USH1C: variants seen among roughly 807,000 people sequenced by gnomAD.
USH1C encodes USH1 protein network component harmonin, also known as harmonin.
In USH1C, 90 loss-of-function variants were observed where a neutral mutation model predicts 119.3. That is an observed-to-expected ratio of 0.75 (90% CI 0.64 to 0.90). The LOEUF (loss-of-function observed/expected upper bound fraction) is 0.90. Among genes scored for constraint, USH1C ranks in the 40% least tolerant of loss-of-function variants. The probability of loss-of-function intolerance (pLI) is 0.00; values close to 1 mark genes in which losing one functional copy is unlikely to be tolerated. For missense variants in USH1C, 1,165 were observed against 1,167.7 expected, an observed-to-expected ratio of 1.00 and a Z score of 0.03; for synonymous variants, 465 against 443.3, an observed-to-expected ratio of 1.05 and a Z score of -0.62.
Position 17,524,386 on chromosome 11 carries a change from C to T in USH1C, c.759+65G>A, listed in dbSNP as rs537772680. 243 of 1,518,898 alleles carry T rather than the reference C, an allele frequency of 1.6e-4. 3 individuals are homozygous for T. In the South Asian group the frequency reaches 1.9e-3, roughly 12 times the overall value. The allele number at this position is 1,518,898 out of a possible 1,614,324, so 94.1% of individuals were successfully genotyped here. The stretch of plus-strand genomic sequence containing the variant: ...GTGGAAAGGCACCTGCCCCTGTCAC[C>T]GCGGGATCACAGTCTGACCCAATTT... On this transcript the variant is annotated intron_variant, in intron 9 of 26. Coordinates refer to ENST00000005226, the MANE Select transcript of USH1C (RefSeq NM_153676.4).
At chr11:17,526,556 T>G in intron 7 of USH1C, 115 bp from the exon 8 acceptor site, 1 of 1,144,000 alleles carries the variant, frequency 8.7e-7, no homozygotes, top group Non-Finnish European at 1.3e-6. Context: ...CAGATCATCA[T>G]TCCGTCCCTG....
chr11:17,518,379 G>A (rs903269571), intron 14 of USH1C, among the ~76,000 whole-genome samples: 1 of 152,250 alleles, frequency 6.6e-6, no homozygotes, highest in African/African-American at 2.4e-5. Context: ...GCCTTGGATA[G>A]GGAGAGAAGG....
chr11:17,533,179 A>C (rs1851063171), intron 2 of USH1C, 76 bp downstream of exon 2: 1 of 1,145,190 alleles, frequency 8.7e-7, no homozygotes. Context: ...CCTCTGTCTC[A>C]GAACAACCCA....
chr11:17,537,251 C>A (rs2133944926), intron 1 of USH1C, among the ~76,000 whole-genome samples: 1 of 152,356 alleles, frequency 6.6e-6, no homozygotes, highest in African/African-American at 2.4e-5. Flanking sequence ...CTGCCTAGCA[C>A]TAGCCCGAGG....
At chr11:17,502,508 A>G (rs1008659709) in intron 20 of USH1C, among the ~76,000 whole-genome samples, 1 of 152,214 alleles carries the variant, frequency 6.6e-6, no homozygotes, top group Admixed American at 6.5e-5. Flanking sequence ...AACAAGAAGA[A>G]AGCAGGTGGT....
chr11:17,521,311 T>C (rs1477865654), intron 13 of USH1C, 35 bp downstream of exon 13: 1 of 1,610,082 alleles, frequency 6.2e-7, no homozygotes, highest in Non-Finnish European at 8.5e-7. Flanking sequence ...ACACTGATGT[T>C]CATGCACAGA....
chr11:17,525,087 A>G (rs1850603210), intron 8 of USH1C, among the ~76,000 whole-genome samples: 1 of 152,214 alleles, frequency 6.6e-6, no homozygotes, highest in Admixed American at 6.5e-5. Flanking sequence ...AGGATGGTAC[A>G]TGTACTGTTA....
At chr11:17,500,108 G>A (rs1849380680) in intron 23 of USH1C, among the ~76,000 whole-genome samples, 1 of 152,258 alleles carries the variant, frequency 6.6e-6, no homozygotes, top group South Asian at 2.1e-4. Context: ...TGAAGCAAGA[G>A]ACTGTGCCTG....
At position 17,516,212 on chromosome 11, in the gene USH1C, C is replaced by T. The variant is rs763131934; in HGVS notation, c.1260+29G>A. The T allele has an allele frequency of 1.4e-5, 22 of 1,613,204 alleles. No individual in the cohort carries two copies. The African/African-American group carries it at 1.6e-4, about 12-fold the overall frequency. ...AAAACCCACAGCAAACTAAGCAGCA[C>T]ACCAGCACAGCACCCAACCCTGTCC... On this transcript the variant is annotated intron_variant, in intron 15 of 26. Coordinates refer to ENST00000005226, the MANE Select transcript of USH1C (RefSeq NM_153676.4).
Position 17,525,648 on chromosome 11 carries a change from C to G in USH1C, c.674+699G>C, listed in dbSNP as rs967918690. ...TAACGGTGGCACCTGCATGCTTAAGCCCCGTGTGGCCCAGTGTCTGTTCGG... is the reference window on the plus strand; with the variant it reads ...TAACGGTGGCACCTGCATGCTTAAGGCCCGTGTGGCCCAGTGTCTGTTCGG... On this transcript the variant is annotated intron_variant, in intron 8 of 26. Transcript: ENST00000005226. Among the ~76,000 whole-genome samples, 6 of 152,276 alleles carry G rather than the reference C, an allele frequency of 3.9e-5. No homozygotes were observed. The East Asian group carries it at 1.2e-3, about 29-fold the overall frequency.
chr11:17,501,079 C>T lies in USH1C; in HGVS notation c.2352G>A (p.Val784=), dbSNP rs1381782656. 1.2e-6 allele frequency: 2 copies of T among 1,614,074 alleles called. No individual in the cohort carries two copies. The highest frequency in any genetic ancestry group is 2.2e-5 in the East Asian group (1 of 44,874). Residue 784 remains valine, a synonymous_variant, in exon 23 of 27, where the codon GTG becomes GTA. Coordinates refer to ENST00000005226, the MANE Select transcript of USH1C (RefSeq NM_153676.4). The part of the protein sequence containing the change: ...SPIGKVVVSA[V]YERGAAERHG... ...GCCGCTCAGCAGCTCCCCGCTCATA[C>T]ACAGCAGAAACGACCACCTTCCCAA... is the stretch of plus-strand genomic sequence containing the variant.
intron 18 of USH1C, among the ~76,000 whole-genome samples, chr11:17,507,810 C>T (rs1404994216): frequency 6.6e-6 from 1 of 152,094 alleles, no homozygotes. Flanking sequence ...CTTGCAATGC[C>T]CTTGCTCCCA....
At chr11:17,508,900 T>TA (rs1849749673) in intron 18 of USH1C, among the ~76,000 whole-genome samples, 1 of 152,148 alleles carries the variant, frequency 6.6e-6, no homozygotes. Flanking sequence ...CAGAGCCAAA[T>TA]ACGCCCCTGC....
Position 17,501,993 on chromosome 11 carries a change from G to A in USH1C, c.2185-13C>T. On this transcript the variant is annotated splice_polypyrimidine_tract_variant and intron_variant, in intron 20 of 26. Transcript: ENST00000005226. ...ATTTCCGGAAATCCTGGAAGCAAAGGGAGGGCTTTAGGGCAACACAGCAGA... is the reference window on the plus strand; with the variant it reads ...ATTTCCGGAAATCCTGGAAGCAAAGAGAGGGCTTTAGGGCAACACAGCAGA... The A allele has an allele frequency of 6.2e-7, 1 of 1,613,500 alleles. No homozygotes were observed. Among genetic ancestry groups the A allele is most frequent in the Non-Finnish European group, 8.5e-7 (1 of 1,179,704 alleles).
At chr11:17,502,017 G>A (rs1395387138) in intron 20 of USH1C, 37 bp from the exon 21 acceptor site, 1 of 1,605,222 alleles carries the variant, frequency 6.2e-7, no homozygotes, top group Admixed American at 1.7e-5. Flanking sequence ...CAACACAGCA[G>A]AGGGTCTTGA....
intron 9 of USH1C, 127 bp from the exon 10 acceptor site, chr11:17,523,605 C>T: frequency 4.6e-6 from 4 of 878,750 alleles, no homozygotes; most frequent in Middle Eastern, 2.4e-4. Flanking sequence ...CTCAGCTCCT[C>T]CTGATGAATG....
chr11:17,535,810 C>T (rs556291852), intron 1 of USH1C, among the ~76,000 whole-genome samples: 36 of 152,294 alleles, frequency 2.4e-4, no homozygotes, highest in Non-Finnish European at 3.1e-4. Context: ...AATGCTGCAG[C>T]TGAGGAAACT....
intron 25 of USH1C, 58 bp from the exon 26 acceptor site, chr11:17,495,735 G>T (rs1283206626): frequency 1.3e-6 from 2 of 1,557,824 alleles, no homozygotes; most frequent in African/African-American, 1.4e-5. Context: ...CCCAGGCAGA[G>T]CTCCATGGGG....
At chr11:17,524,101 C>G (rs1174931036) in intron 9 of USH1C, among the ~76,000 whole-genome samples, 1 of 152,164 alleles carries the variant, frequency 6.6e-6, no homozygotes, top group African/African-American at 2.4e-5. Context: ...TCTCAGTTTC[C>G]TCATATGTAA....
Sources: allele counts gnomAD v4.1 joint callset (sites outside exome capture counted in the v4.1 genomes callset), GRCh38; gene constraint gnomAD v4.1.1; transcripts MANE v1.5; gene names NCBI Gene and HGNC (gene_info 2026-07-23, HGNC 2026-07-21).